The following UTRN variants were observed in gnomAD, a reference collection of about 807,000 sequenced individuals.
UTRN encodes dystrophin-related protein 1.
Under a neutral mutation model 463.9 loss-of-function variants are expected in UTRN, and 283 were observed. The observed-to-expected ratio is 0.61, with a 90% confidence interval of 0.55 to 0.67. UTRN has a LOEUF of 0.67. Ranked by LOEUF, UTRN falls within the 30% of genes least tolerant of loss-of-function variation. UTRN has a pLI of 0.00. For missense variants in UTRN, 3,922 were observed against 4,084.3 expected (o/e 0.96, Z 1.08); for synonymous variants, 1,442 against 1,431.5 (o/e 1.01, Z -0.17).
intron 53 of UTRN, among the ~76,000 whole-genome samples, chr6:144,726,996 C>T (rs1787948948): frequency 6.6e-6 from 1 of 152,190 alleles, no homozygotes; most frequent in African/African-American, 2.4e-5. Context: ...TTGCCCTCTT[C>T]CCTCCCCACA....
intron 23 of UTRN, among the ~76,000 whole-genome samples, chr6:144,463,750 A>G (rs1229151035): frequency 1.3e-5 from 2 of 151,838 alleles, no homozygotes; most frequent in African/African-American, 4.8e-5. Context: ...ATATTTTTCA[A>G]CGAATGAAAT....
At chr6:144,571,848 G>T (rs888182945) in intron 50 of UTRN, among the ~76,000 whole-genome samples, 4 of 152,164 alleles carry the variant, frequency 2.6e-5, no homozygotes, top group African/African-American at 9.7e-5. Flanking sequence ...GTCACATTCA[G>T]CAGGCTATCA....
intron 51 of UTRN, among the ~76,000 whole-genome samples, chr6:144,581,455 A>C (rs1801956450): frequency 1.3e-5 from 2 of 152,018 alleles, no homozygotes; most frequent in Admixed American, 1.3e-4. Context: ...TTGCTCTCTA[A>C]TAATTTACGT....
intron 65 of UTRN, among the ~76,000 whole-genome samples, chr6:144,804,411 A>G (rs1002866226): frequency 6.6e-6 from 1 of 152,160 alleles, no homozygotes; most frequent in African/African-American, 2.4e-5. Flanking sequence ...AATATTGAAC[A>G]TTTTGCAGGT....
At chr6:144,673,964 A>G (rs933098792) in intron 51 of UTRN, among the ~76,000 whole-genome samples, 20 of 152,206 alleles carry the variant, frequency 1.3e-4, no homozygotes, top group Non-Finnish European at 1.2e-4. Flanking sequence ...GAGGCTAACA[A>G]TAAGACCCCA....
In UTRN at chr6:144,382,518, G is replaced by T. The variant is rs570167095; in HGVS notation, c.80-20605G>T. 3.9e-5 allele frequency among the ~76,000 whole-genome samples: 6 copies of T among 152,328 alleles called. No individual in the cohort carries two copies. In the South Asian group the frequency reaches 1.2e-3, roughly 32 times the overall value. On this transcript the variant is annotated intron_variant, in intron 2 of 74. Coordinates refer to ENST00000367545, the MANE Select transcript of UTRN (RefSeq NM_007124.3). ...GCAGTGTACTATTCTTTTTGACCAT[G>T]ATGACAGTTGGGTTTTATTGAGAAT...
intron 51 of UTRN, among the ~76,000 whole-genome samples, chr6:144,668,628 T>C (rs1386536244): frequency 6.6e-6 from 1 of 152,124 alleles, no homozygotes; most frequent in African/African-American, 2.4e-5. Flanking sequence ...TTCTGGTTCA[T>C]AGGTGTTACC....
In UTRN at chr6:144,523,553, G is replaced by A. The variant is rs559917614; in HGVS notation, c.5906+365G>A. ...TTGAACTCCGGACCTCAGGCAGTCCGCCTTGCCTTGGCCTCCCAAAATGCT... is the reference window on the plus strand; with the variant it reads ...TTGAACTCCGGACCTCAGGCAGTCCACCTTGCCTTGGCCTCCCAAAATGCT... On this transcript the variant is annotated intron_variant, in intron 41 of 74. Coordinates refer to ENST00000367545, the MANE Select transcript of UTRN (RefSeq NM_007124.3). Among the ~76,000 whole-genome samples, 16 of 152,190 alleles carry A rather than the reference G, an allele frequency of 1.1e-4. No individual in the cohort carries two copies. The South Asian group carries it at 1.9e-3, about 18-fold the overall frequency.
chr6:144,316,080 G>A (rs1211711001), intron 2 of UTRN, among the ~76,000 whole-genome samples: 1 of 152,190 alleles, frequency 6.6e-6, no homozygotes, highest in African/African-American at 2.4e-5. Flanking sequence ...GCCTGGCACA[G>A]TGGCTCACGT....
intron 51 of UTRN, among the ~76,000 whole-genome samples, chr6:144,619,535 G>T (rs946715348): frequency 6.6e-6 from 1 of 152,106 alleles, no homozygotes; most frequent in African/African-American, 2.4e-5. Context: ...CACAGAAAAA[G>T]GTGTTAATGT....
At chr6:144,434,373 T>C (rs989398519) in intron 9 of UTRN, among the ~76,000 whole-genome samples, 1 of 150,726 alleles carries the variant, frequency 6.6e-6, no homozygotes, top group African/African-American at 2.4e-5. Context: ...GGAGCGAAGT[T>C]TTGAAGGAAG....
intron 50 of UTRN, among the ~76,000 whole-genome samples, chr6:144,558,122 C>T (rs1534437): frequency 0.14 from 20,824 of 152,148 alleles, 1,753 homozygotes; most frequent in Middle Eastern, 0.24. Context: ...TATTAGAGCA[C>T]TTTATATTCC....
At chr6:144,559,650 G>A (rs1799684038) in intron 50 of UTRN, among the ~76,000 whole-genome samples, 1 of 152,196 alleles carries the variant, frequency 6.6e-6, no homozygotes, top group Admixed American at 6.6e-5. Flanking sequence ...TTCTGAACCA[G>A]TGTTTCTCAA....
intron 1 of UTRN, among the ~76,000 whole-genome samples, chr6:144,288,559 T>A (rs1186757788): frequency 6.6e-6 from 1 of 152,160 alleles, no homozygotes; most frequent in Non-Finnish European, 1.5e-5. Context: ...TTTTGATTCT[T>A]GAATATAATA....
chr6:144,823,654 C>T (rs554038396), intron 66 of UTRN, among the ~76,000 whole-genome samples: 6 of 151,896 alleles, frequency 4.0e-5, no homozygotes, highest in Non-Finnish European at 7.4e-5. Context: ...AAGGTTTATT[C>T]GATTAATTTT....
At chr6:144,744,015 C>T (rs368332964) in intron 54 of UTRN, among the ~76,000 whole-genome samples, 20 of 149,056 alleles carry the variant, frequency 1.3e-4, no homozygotes, top group African/African-American at 2.7e-4. Flanking sequence ...AGGCTAGGTG[C>T]GGTGGCTTAT....
Position 144,291,910 on chromosome 6 carries a change from A to C in UTRN, c.79+3A>C, listed in dbSNP as rs758123309. On this transcript the variant is annotated splice_donor_region_variant and intron_variant, in intron 2 of 74. Coordinates refer to ENST00000367545, the MANE Select transcript of UTRN (RefSeq NM_007124.3). ...TGATATCATTAAGTCCAGATCTGGT[A>C]GGTAAAGGAAGCTCAAGAAAGCTAT... 7.5e-6 allele frequency: 12 copies of C among 1,605,078 alleles called. No individual in the cohort carries two copies. The South Asian group carries it at 1.2e-4, about 16-fold the overall frequency.
intron 30 of UTRN, 31 bp downstream of exon 30, chr6:144,488,865 T>C: frequency 6.5e-7 from 1 of 1,535,882 alleles, no homozygotes; most frequent in Non-Finnish European, 8.8e-7. Context: ...GCTTTTGAGC[T>C]GTAAAGAGAG....
chr6:144,556,764 G>T (rs1799422804), intron 49 of UTRN, among the ~76,000 whole-genome samples: 2 of 152,154 alleles, frequency 1.3e-5, no homozygotes, highest in South Asian at 4.1e-4. Flanking sequence ...CGTCCATGTT[G>T]TTGATTCTTC....
Sources: allele counts gnomAD v4.1 joint callset (sites outside exome capture counted in the v4.1 genomes callset), GRCh38; gene constraint gnomAD v4.1.1; transcripts MANE v1.5; gene names NCBI Gene and HGNC (gene_info 2026-07-23, HGNC 2026-07-21).